Variants in LRFN5 observed in about 807,000 individuals in gnomAD.
The protein encoded by LRFN5 is leucine-rich repeat and fibronectin type-III domain-containing protein 5.
In LRFN5, 24 loss-of-function variants were observed where a neutral mutation model predicts 45.6. The ratio of observed to expected loss-of-function variants is 0.53; its 90% CI spans 0.38 to 0.74. LRFN5 has a LOEUF of 0.74. Among genes scored for constraint, LRFN5 ranks in the 30% least tolerant of loss-of-function variants. The pLI is 0.00. For synonymous variants in LRFN5, 340 were observed against 313.8 expected, an observed-to-expected ratio of 1.08 and a Z score of -0.88; for missense variants, 776 against 861.5, an observed-to-expected ratio of 0.90 and a Z score of 1.24.
intron 1 of LRFN5, among the ~76,000 whole-genome samples, chr14:41,759,341 T>A (rs749639955): frequency 2.3e-4 from 35 of 152,086 alleles, no homozygotes; most frequent in Non-Finnish European, 4.0e-4. Context: ...AATTTTCAAT[T>A]GCTTAATAGT....
At chr14:41,779,069 T>C (rs146646034) in intron 2 of LRFN5, among the ~76,000 whole-genome samples, 1 of 151,926 alleles carries the variant, frequency 6.6e-6, no homozygotes, top group East Asian at 1.9e-4. Context: ...AACATTCTTA[T>C]ATTGTTCTTG....
At position 41,734,344 on chromosome 14, in the gene LRFN5, A is replaced by ATATATATATATATATATATATATT. The variant is rs1428416141; in HGVS notation, c.-196-32509_-196-32508insATATATATATATATATATATATTT. On this transcript the variant is annotated intron_variant, in intron 1 of 5. Coordinates refer to ENST00000298119, the MANE Select transcript of LRFN5 (RefSeq NM_152447.5). The stretch of plus-strand genomic sequence containing the variant: ...TATATATATATATATATATATATAT[A>ATATATATATATATATATATATATT]TTTAAATTTGCTGTAACTTATTGAT... Among the ~76,000 whole-genome samples, 78 of 105,928 alleles carry ATATATATATATATATATATATATT rather than the reference A, an allele frequency of 7.4e-4. 4 individuals are homozygous for ATATATATATATATATATATATATT. The highest frequency in any genetic ancestry group is 3.1e-3 in the East Asian group (6 of 1,942). The allele number at this position is 105,928 out of a possible 152,430, so 69.5% of individuals were successfully genotyped here.
chr14:41,771,655 T>C (rs1377651364), intron 2 of LRFN5, among the ~76,000 whole-genome samples: 1 of 152,142 alleles, frequency 6.6e-6, no homozygotes, highest in Non-Finnish European at 1.5e-5. Context: ...GGAGGACCTT[T>C]ACTCCATTTC....
At chr14:41,620,965 AC>A (rs1210859802) in intron 1 of LRFN5, among the ~76,000 whole-genome samples, 1 of 91,100 alleles carries the variant, frequency 1.1e-5, no homozygotes, top group East Asian at 3.4e-4. Context: ...ATGAATTGAT[AC>A]ATACATTAAT....
rs116888089 is a variant in LRFN5 at position 41,743,042 on chromosome 14, C to T, written c.-196-23812C>T. 9.6e-3 allele frequency: 1,502 copies of T among 156,534 alleles called. 8 individuals are homozygous for T. The highest frequency in any genetic ancestry group is 0.014 in the Non-Finnish European group (956 of 70,318). The allele number at this position is 156,534 out of a possible 1,614,324, so 9.7% of individuals were successfully genotyped here. A position where few individuals can be genotyped will look rare whatever the true frequency, so the allele number is the denominator to read the frequency against. Reference sequence around the variant, plus strand: ...AGCCTGCTTTGCCACTGGGTTGGCTCCTCCTGTTTGGGGCTCTTGATCAGT... The same window carrying T: ...AGCCTGCTTTGCCACTGGGTTGGCTTCTCCTGTTTGGGGCTCTTGATCAGT... On this transcript the variant is annotated intron_variant, in intron 1 of 5. Transcript: ENST00000298119.
intron 1 of LRFN5, among the ~76,000 whole-genome samples, chr14:41,723,186 T>C (rs1210205631): frequency 6.6e-6 from 1 of 151,952 alleles, no homozygotes; most frequent in Non-Finnish European, 1.5e-5. Context: ...CGGATACTCC[T>C]AATGCCTGGA....
chr14:41,863,933 G>A (rs1205680072), intron 2 of LRFN5, among the ~76,000 whole-genome samples: 1 of 151,936 alleles, frequency 6.6e-6, no homozygotes, highest in Non-Finnish European at 1.5e-5. Context: ...AACATGCAGT[G>A]TTTGGCTTTC....
chr14:41,767,860 T>C (rs559687538), intron 2 of LRFN5, among the ~76,000 whole-genome samples: 54 of 152,336 alleles, frequency 3.5e-4, no homozygotes, highest in Non-Finnish European at 7.2e-4. Flanking sequence ...TCCTGGTTCA[T>C]ACTTATGAGC....
intron 1 of LRFN5, among the ~76,000 whole-genome samples, chr14:41,643,251 T>A (rs1159061519): frequency 6.6e-6 from 1 of 152,164 alleles, no homozygotes; most frequent in African/African-American, 2.4e-5. Flanking sequence ...TTCCATTACA[T>A]TTTTCCAAAC....
chr14:41,763,862 A>G (rs1486550522), intron 1 of LRFN5, among the ~76,000 whole-genome samples: 1 of 152,184 alleles, frequency 6.6e-6, no homozygotes, highest in African/African-American at 2.4e-5. Context: ...CTAATATGGC[A>G]TCCACAATAA....
At chr14:41,709,432 C>G (rs920840833) in intron 1 of LRFN5, among the ~76,000 whole-genome samples, 1 of 152,008 alleles carries the variant, frequency 6.6e-6, no homozygotes, top group African/African-American at 2.4e-5. Context: ...GAAATCACTT[C>G]TCATTTTTCA....
chr14:41,861,791 A>G (rs1594474319), intron 2 of LRFN5, among the ~76,000 whole-genome samples: 1 of 152,182 alleles, frequency 6.6e-6, no homozygotes, highest in East Asian at 1.9e-4. Context: ...ATTATTACAA[A>G]CTGAATCTTT....
chr14:41,807,320 A>G (rs1887559136), intron 2 of LRFN5, among the ~76,000 whole-genome samples: 1 of 152,144 alleles, frequency 6.6e-6, no homozygotes, highest in Non-Finnish European at 1.5e-5. Context: ...TCCATTGAAT[A>G]GGGGACACAT....
In LRFN5 at chr14:41,624,596, C is replaced by A. The variant is rs149611345; in HGVS notation, c.-197+16034C>A. Among the ~76,000 whole-genome samples, 721 of 152,198 alleles carry A rather than the reference C, an allele frequency of 4.7e-3. 4 individuals carry two copies. The highest frequency in any genetic ancestry group is 8.1e-3 in the Admixed American group (123 of 15,266). On this transcript the variant is annotated intron_variant, in intron 1 of 5. Coordinates refer to ENST00000298119, the MANE Select transcript of LRFN5 (RefSeq NM_152447.5). ...TTTTAATTGAGATAACCCTAAGTTTCTTGAAGTGTAACCAGTGACAGACTA... is the reference window on the plus strand; with the variant it reads ...TTTTAATTGAGATAACCCTAAGTTTATTGAAGTGTAACCAGTGACAGACTA...
intron 1 of LRFN5, among the ~76,000 whole-genome samples, chr14:41,632,650 A>T (rs1002824895): frequency 3.3e-5 from 5 of 152,172 alleles, no homozygotes; most frequent in Non-Finnish European, 5.9e-5. Flanking sequence ...ATTTATACAG[A>T]TGAGGAACTT....
chr14:41,850,403 T>G (rs1212585889), intron 2 of LRFN5, among the ~76,000 whole-genome samples: 1 of 151,856 alleles, frequency 6.6e-6, no homozygotes, highest in East Asian at 1.9e-4. Flanking sequence ...GAATAACTTC[T>G]GCATCTAAGA....
chr14:41,839,324 T>C (rs56805934), intron 2 of LRFN5, among the ~76,000 whole-genome samples: 14 of 151,902 alleles, frequency 9.2e-5, no homozygotes, highest in Middle Eastern at 3.4e-3. Context: ...AGATTTTTTT[T>C]AAAAAAAGAA....
chr14:41,620,332 GGTT>G (rs1341867216), intron 1 of LRFN5, among the ~76,000 whole-genome samples: 1 of 152,030 alleles, frequency 6.6e-6, no homozygotes, highest in Non-Finnish European at 1.5e-5. Flanking sequence ...GACCAATCCA[GGTT>G]GTTTAGGGTT....
intron 1 of LRFN5, among the ~76,000 whole-genome samples, chr14:41,645,871 T>G (rs149086265): frequency 9.2e-4 from 140 of 152,342 alleles, no homozygotes; most frequent in Non-Finnish European, 1.6e-3. Context: ...GGGCTACATT[T>G]TCATGTTAAA....
Sources: gnomAD v4.1 joint callset for allele counts (sites outside exome capture counted in the v4.1 genomes callset) on GRCh38, gnomAD v4.1.1 for gene constraint, MANE v1.5 for transcripts, NCBI Gene and HGNC (gene_info 2026-07-23, HGNC 2026-07-21) for gene names.